Variants in MCOLN1 observed in about 807,000 individuals in gnomAD.
MCOLN1 encodes the protein mucolipin TRP cation channel 1.
MCOLN1 carries 50 observed loss-of-function variants against 70.3 expected under a neutral mutation model. The observed-to-expected ratio is 0.71, with a 90% CI of 0.57 to 0.90. The LOEUF is 0.90. MCOLN1 is among the 40% of genes least tolerant of loss of function. MCOLN1 has a pLI of 0.00. For missense variants in MCOLN1, 598 were observed against 803.5 expected (o/e 0.74, Z 3.09); for synonymous variants, 366 against 341.0 (o/e 1.07, Z -0.81).
rs370093987 is a variant in MCOLN1 at position 7,533,657 on chromosome 19, C to T, written c.1706+4C>T. On this transcript the variant is annotated splice_donor_region_variant and intron_variant, in intron 13 of 13. Transcript: ENST00000264079. Reference sequence around the variant, plus strand: ...GCCTTCTCTGCTGCTGCGGAAGGTTCGAGTCCCGGGTCTGGCACATTCAGA... The same window carrying T: ...GCCTTCTCTGCTGCTGCGGAAGGTTTGAGTCCCGGGTCTGGCACATTCAGA... 1.7e-5 allele frequency: 28 copies of T among 1,613,582 alleles called. No homozygotes were observed. The African/African-American group carries it at 3.1e-4, about 18-fold the overall frequency.
rs1018135432 is a variant in MCOLN1, at chr19:7,525,733, T to C, written c.237+567T>C. The stretch of plus-strand genomic sequence containing the variant: ...CTTACTTCATGTTTTGGGCTGACTT[T>C]AGCATGTCACCATGCCTCTAATTTT... On this transcript the variant is annotated intron_variant, in intron 2 of 13. Transcript: ENST00000264079. The surrounding 1 kb of genome is among the most constrained non-coding windows in gnomAD (Gnocchi z 4.2). 1.3e-4 allele frequency: 22 copies of C among 172,322 alleles called. No individual in the cohort carries two copies. The highest frequency in any genetic ancestry group is 1.6e-4 in the Admixed American group (3 of 18,252). 10.7% of individuals were successfully genotyped at this position (172,322 alleles called of 1,614,324 possible).
intron 12 of MCOLN1, 93 bp from the exon 13 acceptor site, chr19:7,533,430 C>A: frequency 1.3e-6 from 2 of 1,544,718 alleles, no homozygotes; most frequent in Admixed American, 1.7e-5. Context: ...AGGTGGGAAG[C>A]GATGCAGATA....
intron 10 of MCOLN1, 71 bp from the exon 11 acceptor site, chr19:7,529,519 C>CCCTCTGGGGGCCCACAG: frequency 7.3e-7 from 1 of 1,372,600 alleles, no homozygotes; most frequent in South Asian, 1.2e-5. Context: ...CCTCCCACCC[C>CCCTCTGGGGGCCCACAG]CATCTGGGTG....
rs190732770 is a variant in MCOLN1 at position 7,531,771 on chromosome 19, G to A, written c.1575+1270G>A. 1.1e-4 allele frequency among the ~76,000 whole-genome samples: 16 copies of A among 152,112 alleles called. 1 individual carries two copies. The highest frequency in any genetic ancestry group is 3.9e-4 in the Admixed American group (6 of 15,274). ...CAACCTCTGCCTCCCGGGTTCAAGC[G>A]ATTCTCCTGCCTCAGCCTACTGAGT... is the stretch of plus-strand genomic sequence containing the variant. On this transcript the variant is annotated intron_variant, in intron 12 of 13. Transcript: ENST00000264079.
chr19:7,525,616 G>A lies in MCOLN1; in HGVS notation c.237+450G>A, dbSNP rs565351407. On this transcript the variant is annotated intron_variant, in intron 2 of 13. Coordinates refer to ENST00000264079, the MANE Select transcript of MCOLN1 (RefSeq NM_020533.3). The surrounding 1 kb of genome is among the most constrained non-coding windows in gnomAD (Gnocchi z 4.2). ...AGTCTGACACCATGTTGACCCAATG[G>A]CTGCACAGATAGTTCTCCCTCCCCC... 1.1e-4 allele frequency: 25 copies of A among 233,926 alleles called. No homozygotes were observed. The South Asian group carries it at 1.2e-3, about 12-fold the overall frequency. The allele number at this position is 233,926 out of a possible 1,614,324, so 14.5% of individuals were successfully genotyped here. A position where few individuals can be genotyped will look rare whatever the true frequency, so the allele number is the denominator to read the frequency against.
Position 7,528,048 on chromosome 19 carries a change from A to C in MCOLN1, c.777+88A>C, listed in dbSNP as rs2146024072. On this transcript the variant is annotated intron_variant, in intron 6 of 13. Coordinates refer to ENST00000264079, the MANE Select transcript of MCOLN1 (RefSeq NM_020533.3). This position sits in a 1 kb window ranked among gnomAD's most constrained non-coding sequence, Gnocchi z 4.2. ...GTCTTGGGAGCACTGGCCAAGGGCA[A>C]GCGTGCGGGTGATGAGGGAGGGAGC... 6.6e-7 allele frequency: 1 copy of C among 1,524,750 alleles called. No homozygotes were observed. Among genetic ancestry groups the C allele is most frequent in the African/African-American group, 1.4e-5 (1 of 73,156 alleles). 94.5% of individuals were successfully genotyped at this position (1,524,750 alleles called of 1,614,324 possible). A position where few individuals can be genotyped will look rare whatever the true frequency, so the allele number is the denominator to read the frequency against.
At chr19:7,527,141 G>T (rs1336739441) in intron 4 of MCOLN1, 1 of 650,234 alleles carries the variant, frequency 1.5e-6, no homozygotes, top group Non-Finnish European at 2.7e-6. Flanking sequence ...GCGTGGTGGC[G>T]TGCCCCTGTG....
At position 7,528,938 on chromosome 19, in the gene MCOLN1, G is replaced by A; in HGVS notation, c.1102G>A (p.Gly368Ser). The A allele has an allele frequency of 6.2e-7, 1 of 1,614,134 alleles. No homozygotes were observed. Among genetic ancestry groups the A allele is most frequent in the Non-Finnish European group, 8.5e-7 (1 of 1,180,016 alleles). The change falls in exon 9 of 14, where the codon GGC (glycine) becomes AGC (serine). Residue 368 changes from glycine (G) to serine (S), a missense_variant. Gly to Ser is a moderately conservative substitution (Grantham distance 56). Transcript: ENST00000264079. The surrounding 1 kb of genome is among the most constrained non-coding windows in gnomAD (Gnocchi z 4.2). Reference sequence around the variant, plus strand: ...CACCAGCGATGTGCTCACCATCTCGGGCACCATCATGAAGATCGGCATCGA... The same window carrying A: ...CACCAGCGATGTGCTCACCATCTCGAGCACCATCATGAAGATCGGCATCGA... ...LVTSDVLTIS[G>S]TIMKIGIEAK... is the part of the protein sequence containing the mutation.
rs2022578631 is a variant in MCOLN1 at position 7,526,837 on chromosome 19, C to G, written c.482C>G (p.Ser161Ter). The change falls in exon 4 of 14, where the codon TCA (serine) becomes TGA (stop). Residue 161 changes from serine (S) to a stop codon, truncating the protein, a stop_gained. Coordinates refer to ENST00000264079, the MANE Select transcript of MCOLN1 (RefSeq NM_020533.3). LOFTEE classifies it high-confidence loss of function. The surrounding 1 kb of genome is among the most constrained non-coding windows in gnomAD (Gnocchi z 4.6). ...GGGGGTGACCCTTGGACCAATGGCTCAGGGCTTGCTCTCTGCCAGCGGTAC... is the reference window on the plus strand; with the variant it reads ...GGGGGTGACCCTTGGACCAATGGCTGAGGGCTTGCTCTCTGCCAGCGGTAC... ...RGGGDPWTNG[S>*]GLALCQRYYH... is the part of the protein sequence containing the mutation. 6.2e-7 allele frequency: 1 copy of G among 1,614,002 alleles called. No homozygotes were observed. The highest frequency in any genetic ancestry group is 1.1e-5 in the South Asian group (1 of 91,082).
rs767122713 is a variant in MCOLN1, at chr19:7,527,877, A to C, written c.694A>C (p.Thr232Pro). The C allele has an allele frequency of 4.8e-5, 78 of 1,613,794 alleles. No homozygotes were observed. The highest frequency in any genetic ancestry group is 6.2e-5 in the Non-Finnish European group (73 of 1,179,870). Residue 232 changes from threonine (T) to proline (P), a missense_variant, in exon 6 of 14, where the codon ACC becomes CCC. Coordinates refer to ENST00000264079, the MANE Select transcript of MCOLN1 (RefSeq NM_020533.3). ...CCTCCTGCCTAGGCTGGTCAATGTC[A>C]CCATCCACTTCCGGCTGAAGACCAT... ...TLKFHKLVNV[T>P]IHFRLKTINL...
At chr19:7,533,029 A>G (rs756408981) in intron 12 of MCOLN1, among the ~76,000 whole-genome samples, 4 of 152,200 alleles carry the variant, frequency 2.6e-5, no homozygotes, top group Non-Finnish European at 4.4e-5. Context: ...GCCACATCCA[A>G]TGTCACCGGC....
intron 5 of MCOLN1, 102 bp downstream of exon 5, chr19:7,527,730 C>T (rs527812665): frequency 5.1e-5 from 55 of 1,082,570 alleles, no homozygotes; most frequent in African/African-American, 2.5e-4. Flanking sequence ...AGGGCCCCCC[C>T]GCCCGCGCTG....
At chr19:7,527,483 G>C in intron 4 of MCOLN1, 37 bp from the exon 5 acceptor site, 1 of 874,904 alleles carries the variant, frequency 1.1e-6, no homozygotes, top group South Asian at 1.3e-5. Flanking sequence ...TGGCCTCCCC[G>C]GCCCCCTGAG....
At chr19:7,533,713 G>T in intron 13 of MCOLN1, 46 bp from the exon 14 acceptor site, 1 of 1,614,150 alleles carries the variant, frequency 6.2e-7, no homozygotes, top group East Asian at 2.2e-5. Flanking sequence ...AAAGGGGAGC[G>T]AGCCAGAGAA....
rs752008114 is a variant in MCOLN1 at position 7,528,611 on chromosome 19, C to T, written c.892C>T (p.Arg298Trp). Reference protein sequence around the residue: ...SVFQHGDNSFRLLFDVVVILT... With the variant: ...SVFQHGDNSFWLLFDVVVILT... The stretch of plus-strand genomic sequence containing the variant: ...CCTCCCCGCAGGAGACAACAGCTTC[C>T]GGCTCCTGTTTGACGTGGTGGTCAT... Residue 298 changes from arginine to tryptophan, a missense_variant, in exon 8 of 14, where the codon CGG becomes TGG. Physicochemically the swap from Arg to Trp is moderately radical, Grantham distance 101. Transcript: ENST00000264079. The surrounding 1 kb of genome is among the most constrained non-coding windows in gnomAD (Gnocchi z 4.2). The T allele has an allele frequency of 5.6e-6, 9 of 1,614,248 alleles. No individual in the cohort carries two copies. The highest frequency in any genetic ancestry group is 2.2e-5 in the East Asian group (1 of 44,888).
In MCOLN1 at chr19:7,526,481, C is replaced by T. The variant is rs142665651; in HGVS notation, c.280C>T (p.Arg94Trp). 3.1e-6 allele frequency: 5 copies of T among 1,614,236 alleles called. No homozygotes were observed. The highest frequency in any genetic ancestry group is 2.2e-5 in the South Asian group (2 of 91,092). The change falls in exon 3 of 14, where the codon CGG (arginine) becomes TGG (tryptophan). Residue 94 changes from arginine to tryptophan, a missense_variant. Physicochemically the swap from Arg to Trp is moderately radical, Grantham distance 101. Transcript: ENST00000264079. The surrounding 1 kb of genome is among the most constrained non-coding windows in gnomAD (Gnocchi z 4.6). ...GLSNQLAVTFREENTIAFRHL... is the reference protein window; with the variant it reads ...GLSNQLAVTFWEENTIAFRHL... ...CAGTAATCAGCTGGCTGTGACATTC[C>T]GGGAAGAGAACACCATCGCCTTCCG...
chr19:7,523,886 G>A (rs1264895562), intron 1 of MCOLN1, among the ~76,000 whole-genome samples: 2 of 148,830 alleles, frequency 1.3e-5, no homozygotes, highest in South Asian at 2.1e-4. Flanking sequence ...TTTTTTTGTT[G>A]CCCAGGCTGT....
chr19:7,533,206 G>A (rs777364051), intron 12 of MCOLN1, among the ~76,000 whole-genome samples: 1 of 152,216 alleles, frequency 6.6e-6, no homozygotes, highest in Non-Finnish European at 1.5e-5. Flanking sequence ...TGTGCTCAGC[G>A]TGCATCCAGC....
rs139729140 is a variant in MCOLN1 at position 7,528,848 on chromosome 19, C to T, written c.1012C>T (p.Arg338Trp). The T allele has an allele frequency of 5.0e-5, 80 of 1,614,082 alleles. No homozygotes were observed. Among genetic ancestry groups the T allele is most frequent in the South Asian group, 2.9e-4 (26 of 91,092 alleles). ...GTTTGTGGGGTTCATGTGGCGGCAG[C>T]GGGGACGGGTCATCAGCCTGTGGGA... The part of the protein sequence containing the change: ...NEFVGFMWRQ[R>W]GRVISLWERL... Residue 338 changes from arginine (R) to tryptophan (W), a missense_variant, in exon 9 of 14, where the codon CGG becomes TGG. By Grantham distance (101) the Arg-to-Trp change is moderately radical. This residue lies in a region of MCOLN1 where 461 missense variants were observed against 588.4 expected (regional missense o/e 0.78). Transcript: ENST00000264079. The surrounding 1 kb of genome is among the most constrained non-coding windows in gnomAD (Gnocchi z 4.2).
Sources: allele counts gnomAD v4.1 joint callset (sites outside exome capture counted in the v4.1 genomes callset), GRCh38; gene constraint gnomAD v4.1.1; regional missense constraint gnomAD v4.1.1; non-coding constraint Gnocchi (gnomAD v3.1); transcripts MANE v1.5; gene names NCBI Gene and HGNC (gene_info 2026-07-23, HGNC 2026-07-21).